SLC4A3: variants seen among roughly 807,000 people sequenced by gnomAD.
The protein encoded by SLC4A3 is solute carrier family 4 member 3, also known as anion exchange protein 3.
Under a neutral mutation model 114.2 loss-of-function variants are expected in SLC4A3, and 47 were observed. The observed-to-expected ratio is 0.41, with a 90% confidence interval of 0.33 to 0.52. The LOEUF (loss-of-function observed/expected upper bound fraction) is 0.52. SLC4A3 is among the 20% of genes least tolerant of loss of function. The pLI, the probability that SLC4A3 is intolerant of heterozygous loss-of-function variation, is 0.21. For synonymous variants in SLC4A3, 693 were observed against 710.3 expected, an observed-to-expected ratio of 0.98 and a Z score of 0.39; for missense variants, 1,312 against 1,668.3, an observed-to-expected ratio of 0.79 and a Z score of 3.72.
Position 219,628,595 on chromosome 2 carries a change from G to A in SLC4A3, c.217+25G>A. ...TGTGGGTAGCCTGGGGACCCCTAGT[G>A]CGGCCGCCCTCGCCACCATCACCTT... On this transcript the variant is annotated intron_variant, in intron 3 of 22. Coordinates refer to ENST00000358055, the MANE Select transcript of SLC4A3 (RefSeq NM_005070.4). The surrounding 1 kb of genome is among the most constrained non-coding windows in gnomAD (Gnocchi z 4.8). 2 of 1,607,828 alleles carry A rather than the reference G, an allele frequency of 1.2e-6. No individual in the cohort carries two copies. The highest frequency in any genetic ancestry group is 1.7e-6 in the Non-Finnish European group (2 of 1,177,988).
At chr2:219,629,731 C>G in intron 5 of SLC4A3, 36 bp downstream of exon 5, 1 of 1,460,238 alleles carries the variant, frequency 6.8e-7, no homozygotes. Context: ...AGGGCCCAGC[C>G]CAGAGCCACA....
In SLC4A3 at chr2:219,641,809, T is replaced by C; in HGVS notation, c.*81T>C. 1.7e-6 allele frequency: 2 copies of C among 1,201,932 alleles called. No individual in the cohort carries two copies. Among genetic ancestry groups the C allele is most frequent in the East Asian group, 2.3e-5 (1 of 42,682 alleles). 74.5% of individuals were successfully genotyped at this position (1,201,932 alleles called of 1,614,324 possible). A position where few individuals can be genotyped will look rare whatever the true frequency, so the allele number is the denominator to read the frequency against. On this transcript the variant is annotated 3_prime_UTR_variant, in exon 23 of 23. Coordinates refer to ENST00000358055, the MANE Select transcript of SLC4A3 (RefSeq NM_005070.4). The surrounding 1 kb of genome is among the most constrained non-coding windows in gnomAD (Gnocchi z 4.0). ...CCTCAGGCAGAGCCCAGCCCTGGGC[T>C]GGGGGGCTCCTCAGGACCCAGAGAT...
chr2:219,632,787 CA>C (rs1237494762), intron 8 of SLC4A3, 86 bp from the exon 9 acceptor site: 1 of 1,553,274 alleles, frequency 6.4e-7, no homozygotes, highest in East Asian at 2.3e-5. Flanking sequence ...AGCACATTCG[CA>C]TGCTTTTGGG....
At position 219,628,498 on chromosome 2, in the gene SLC4A3, G is replaced by A. The variant is rs777578142; in HGVS notation, c.145G>A (p.Asp49Asn). ...GACCTTGGCTGTGAGCAGGTTTGGG[G>A]ACCTCATCAGCAAGCCCCCGGCCTG... ...GKTLAVSRFGDLISKPPAWDP... is the reference protein window; with the variant it reads ...GKTLAVSRFGNLISKPPAWDP... The change falls in exon 3 of 23, where the codon GAC becomes AAC. Residue 49 changes from aspartate to asparagine, a missense_variant. Asp to Asn is a conservative substitution (Grantham distance 23). This residue lies in a region of SLC4A3 where 236 missense variants were observed against 212.1 expected (regional missense o/e 1.11). Coordinates refer to ENST00000358055, the MANE Select transcript of SLC4A3 (RefSeq NM_005070.4). This position sits in a 1 kb window ranked among gnomAD's most constrained non-coding sequence, Gnocchi z 4.8. 17 of 1,613,704 alleles carry A rather than the reference G, an allele frequency of 1.1e-5. No homozygotes were observed. The highest frequency in any genetic ancestry group is 2.7e-5 in the African/African-American group (2 of 74,880).
At position 219,636,952 on chromosome 2, in the gene SLC4A3, A is replaced by C; in HGVS notation, c.2535+78A>C. The C allele has an allele frequency of 8.1e-7, 1 of 1,239,566 alleles. No individual in the cohort carries two copies. Among genetic ancestry groups the C allele is most frequent in the South Asian group, 1.3e-5 (1 of 74,686 alleles). 76.8% of individuals were successfully genotyped at this position (1,239,566 alleles called of 1,614,324 possible). ...CTGGGGAGGACAGCATGGGAGGGGG[A>C]GGTATGGAGAACTAGGGGACAAGGA... On this transcript the variant is annotated intron_variant, in intron 16 of 22. Transcript: ENST00000358055. This position sits in a 1 kb window ranked among gnomAD's most constrained non-coding sequence, Gnocchi z 5.5.
chr2:219,628,681 C>T lies in SLC4A3; in HGVS notation c.217+111C>T. The T allele has an allele frequency of 4.5e-6, 5 of 1,120,626 alleles. No homozygotes were observed. Among genetic ancestry groups the T allele is most frequent in the Non-Finnish European group, 6.5e-6 (5 of 769,390 alleles). 69.4% of individuals were successfully genotyped at this position (1,120,626 alleles called of 1,614,324 possible). On this transcript the variant is annotated intron_variant, in intron 3 of 22. Coordinates refer to ENST00000358055, the MANE Select transcript of SLC4A3 (RefSeq NM_005070.4). The surrounding 1 kb of genome is among the most constrained non-coding windows in gnomAD (Gnocchi z 4.8). ...TCACCCAGTGCCATCCTGTGCCGGACACTGTGCTGGACTCTGTGCTGGGCC... is the reference window on the plus strand; with the variant it reads ...TCACCCAGTGCCATCCTGTGCCGGATACTGTGCTGGACTCTGTGCTGGGCC...
Position 219,636,513 on chromosome 2 carries a change from G to A in SLC4A3, c.2340+63G>A. On this transcript the variant is annotated intron_variant, in intron 15 of 22. Transcript: ENST00000358055. This position sits in a 1 kb window ranked among gnomAD's most constrained non-coding sequence, Gnocchi z 5.5. Reference sequence around the variant, plus strand: ...CCACACTCTTCCTTACCTACATCCTGCCCCACACTCTTCCTTACCTACATC... The same window carrying A: ...CCACACTCTTCCTTACCTACATCCTACCCCACACTCTTCCTTACCTACATC... The A allele has an allele frequency of 6.5e-7, 1 of 1,533,678 alleles. No homozygotes were observed. Among genetic ancestry groups the A allele is most frequent in the Non-Finnish European group, 8.8e-7 (1 of 1,140,638 alleles).
rs1159539121 is a variant in SLC4A3, at chr2:219,628,563, C to T, written c.210C>T (p.Asp70=). ...CCAGCCGCAGCTACAGCGAGCGGGA[C>T]TTTGAGTGTGGGTAGCCTGGGGACC... The part of the protein sequence containing the change: ...EKPSRSYSER[D]FEFHRHTSHH... Residue 70 remains aspartate, a synonymous_variant, in exon 3 of 23, where the codon GAC becomes GAT. Transcript: ENST00000358055. The surrounding 1 kb of genome is among the most constrained non-coding windows in gnomAD (Gnocchi z 4.8). 3.7e-6 allele frequency: 6 copies of T among 1,612,534 alleles called. No individual in the cohort carries two copies. In the African/African-American group the frequency reaches 5.3e-5, roughly 14 times the overall value.
chr2:219,629,447 G>A, intron 4 of SLC4A3, 26 bp downstream of exon 4: 6 of 1,597,250 alleles, frequency 3.8e-6, no homozygotes, highest in South Asian at 1.1e-5. Flanking sequence ...TGGAGGGGTG[G>A]CAGGTCAGGG....
Position 219,633,312 on chromosome 2 carries a change from G to A in SLC4A3, c.1316G>A (p.Arg439Gln), listed in dbSNP as rs761000199. Residue 439 changes from arginine to glutamine, a missense_variant, in exon 10 of 23, where the codon CGA becomes CAA. Around this residue, in one of 4 missense-constraint regions of SLC4A3, gnomAD observed 771 missense variants for 977.7 expected, o/e 0.79. Coordinates refer to ENST00000358055, the MANE Select transcript of SLC4A3 (RefSeq NM_005070.4). The part of the protein sequence containing the change: ...NDDKDSGFFP[R>Q]NPSSSSMNSV... ...GACAAGGACAGTGGCTTCTTTCCCC[G>A]AAACCCATCGAGCTCCAGCATGAAC... is the stretch of plus-strand genomic sequence containing the variant. 20 of 1,594,642 alleles carry A rather than the reference G, an allele frequency of 1.3e-5. No individual in the cohort carries two copies. The highest frequency in any genetic ancestry group is 3.5e-5 in the Admixed American group (2 of 57,844).
Position 219,633,449 on chromosome 2 carries a change from G to A in SLC4A3, c.1453G>A (p.Ala485Thr), listed in dbSNP as rs201912973. The A allele has an allele frequency of 3.2e-6, 5 of 1,544,404 alleles. No individual in the cohort carries two copies. Among genetic ancestry groups the A allele is most frequent in the Middle Eastern group, 1.7e-4 (1 of 5,792 alleles). Residue 485 changes from alanine (A) to threonine (T), a missense_variant, in exon 10 of 23, where the codon GCC becomes ACC. By Grantham distance (58) the Ala-to-Thr change is moderately conservative. Around this residue, in one of 4 missense-constraint regions of SLC4A3, gnomAD observed 771 missense variants for 977.7 expected, o/e 0.79. Transcript: ENST00000358055. ...CCCACTCTGGCCACATGACCCTGAC[G>A]CCAAGGAGGTCAGTGCCCTTGCTTT... Reference protein sequence around the residue: ...PAPLWPHDPDAKEKPLHMPGG... With the variant: ...PAPLWPHDPDTKEKPLHMPGG...
Position 219,637,984 on chromosome 2 carries a change from A to C in SLC4A3, c.2766+173A>C, listed in dbSNP as rs112470209. Among the ~76,000 whole-genome samples, 2 of 152,146 alleles carry C rather than the reference A, an allele frequency of 1.3e-5. No individual in the cohort carries two copies. The highest frequency in any genetic ancestry group is 4.8e-5 in the African/African-American group (2 of 41,432). The stretch of plus-strand genomic sequence containing the variant: ...GGGTGTCTTCTTGCCCTTTGCTCAG[A>C]GAAGTCTAATCAAGACAACAGCCTC... On this transcript the variant is annotated intron_variant, in intron 17 of 22. Transcript: ENST00000358055. This position sits in a 1 kb window ranked among gnomAD's most constrained non-coding sequence, Gnocchi z 4.6.
rs567897999 is a variant in SLC4A3, at chr2:219,641,521, T to A, written c.3622-130T>A. ...CCAAGGGCAGTGCTGCCACCCAGGG[T>A]CATGGTACTTGCAGAGAGGCCCAGG... On this transcript the variant is annotated intron_variant, in intron 22 of 22. Coordinates refer to ENST00000358055, the MANE Select transcript of SLC4A3 (RefSeq NM_005070.4). The surrounding 1 kb of genome is among the most constrained non-coding windows in gnomAD (Gnocchi z 4.0). 7 of 723,010 alleles carry A rather than the reference T, an allele frequency of 9.7e-6. No homozygotes were observed. Among genetic ancestry groups the A allele is most frequent in the East Asian group, 8.0e-5 (3 of 37,418 alleles). 44.8% of individuals were successfully genotyped at this position (723,010 alleles called of 1,614,324 possible). A position where few individuals can be genotyped will look rare whatever the true frequency, so the allele number is the denominator to read the frequency against.
At position 219,636,531 on chromosome 2, in the gene SLC4A3, C is replaced by G. The variant is rs1699124794; in HGVS notation, c.2340+81C>G. ...ACATCCTGCCCCACACTCTTCCTTACCTACATCCTGCCCCACACTCTTCCT... is the reference window on the plus strand; with the variant it reads ...ACATCCTGCCCCACACTCTTCCTTAGCTACATCCTGCCCCACACTCTTCCT... On this transcript the variant is annotated intron_variant, in intron 15 of 22. Coordinates refer to ENST00000358055, the MANE Select transcript of SLC4A3 (RefSeq NM_005070.4). This position sits in a 1 kb window ranked among gnomAD's most constrained non-coding sequence, Gnocchi z 5.5. 1.3e-6 allele frequency: 2 copies of G among 1,508,420 alleles called. No individual in the cohort carries two copies. The highest frequency in any genetic ancestry group is 4.1e-5 in the Admixed American group (2 of 48,594). The allele number at this position is 1,508,420 out of a possible 1,614,324, so 93.4% of individuals were successfully genotyped here. A position where few individuals can be genotyped will look rare whatever the true frequency, so the allele number is the denominator to read the frequency against.
chr2:219,629,243 C>G lies in SLC4A3; in HGVS notation c.317C>G (p.Thr106Ser), dbSNP rs200143000. The change falls in exon 4 of 23, where the codon ACC (threonine) becomes AGC (serine). Residue 106 changes from threonine to serine, a missense_variant. By Grantham distance (58) the Thr-to-Ser change is moderately conservative. This residue lies in a region of SLC4A3 where 236 missense variants were observed against 212.1 expected (regional missense o/e 1.11). Coordinates refer to ENST00000358055, the MANE Select transcript of SLC4A3 (RefSeq NM_005070.4). Reference protein sequence around the residue: ...RRLPPTSARHTRRKRKKEKTS... With the variant: ...RRLPPTSARHSRRKRKKEKTS... ...CTGCCCCCCACCTCTGCCCGGCACA[C>G]CAGGAGAAAGAGGAAGAAGGAGAAA... is the stretch of plus-strand genomic sequence containing the variant. 1 of 1,613,732 alleles carries G rather than the reference C, an allele frequency of 6.2e-7. No homozygotes were observed. Among genetic ancestry groups the G allele is most frequent in the South Asian group, 1.1e-5 (1 of 91,070 alleles).
chr2:219,631,115 GGTC>G lies in SLC4A3; in HGVS notation c.811+765_811+767del. ...CAGGCTTGTGGACTTGGGGAGTTGG[GGTC>G]GGGAGGCTGTGCCACCTTCAGCTCT... On this transcript the variant is annotated intron_variant, in intron 6 of 22. Coordinates refer to ENST00000358055, the MANE Select transcript of SLC4A3 (RefSeq NM_005070.4). This position sits in a 1 kb window ranked among gnomAD's most constrained non-coding sequence, Gnocchi z 6.3. 2.6e-6 allele frequency: 3 copies of G among 1,160,606 alleles called. No individual in the cohort carries two copies. The highest frequency in any genetic ancestry group is 3.3e-6 in the Non-Finnish European group (3 of 921,306). 71.9% of individuals were successfully genotyped at this position (1,160,606 alleles called of 1,614,324 possible).
chr2:219,633,132 T>A (rs1698994711), intron 9 of SLC4A3, 123 bp downstream of exon 9: 2 of 1,405,338 alleles, frequency 1.4e-6, no homozygotes, highest in Non-Finnish European at 2.0e-6. Flanking sequence ...CTCATTTCTA[T>A]CTTTTGACAC....
chr2:219,636,283 C>A lies in SLC4A3; in HGVS notation c.2192-19C>A. 5.6e-6 allele frequency: 9 copies of A among 1,612,858 alleles called. No individual in the cohort carries two copies. The highest frequency in any genetic ancestry group is 6.8e-6 in the Non-Finnish European group (8 of 1,179,860). Reference sequence around the variant, plus strand: ...ATAGACAGAGCCAGGCTAGGGCCATCCTACCCGTGCTATGGCAGGAGAGAA... The same window carrying A: ...ATAGACAGAGCCAGGCTAGGGCCATACTACCCGTGCTATGGCAGGAGAGAA... On this transcript the variant is annotated intron_variant, in intron 14 of 22. Transcript: ENST00000358055. This position sits in a 1 kb window ranked among gnomAD's most constrained non-coding sequence, Gnocchi z 5.5.
rs1412232889 is a variant in SLC4A3, at chr2:219,635,766, T to C, written c.2066T>C (p.Val689Ala). 6.3e-7 allele frequency: 1 copy of C among 1,595,508 alleles called. No homozygotes were observed. Among genetic ancestry groups the C allele is most frequent in the Admixed American group, 1.8e-5 (1 of 54,902 alleles). ...GSVFGGLVRDVRRRYPHYPSD... is the reference protein window; with the variant it reads ...GSVFGGLVRDARRRYPHYPSD... ...GTATTTGGGGGGCTTGTGCGGGATG[T>C]GAGGCGCCGGTACCCGCACTACCCC... The change falls in exon 14 of 23, where the codon GTG (valine) becomes GCG (alanine). Residue 689 changes from valine (V) to alanine (A), a missense_variant. Transcript: ENST00000358055.
Sources: gnomAD v4.1 joint callset for allele counts (sites outside exome capture counted in the v4.1 genomes callset) on GRCh38, gnomAD v4.1.1 for gene constraint, gnomAD v4.1.1 regional missense constraint, Gnocchi (gnomAD v3.1) non-coding constraint, MANE v1.5 for transcripts, NCBI Gene and HGNC (gene_info 2026-07-23, HGNC 2026-07-21) for gene names.